LRRFIP1: variants seen among roughly 807,000 people sequenced by gnomAD.
The protein encoded by LRRFIP1 is LRR binding FLII interacting protein 1.
LRRFIP1 carries 62 observed loss-of-function variants against 104.4 expected under a neutral mutation model. The observed-to-expected ratio is 0.59, with a 90% CI of 0.48 to 0.73. LRRFIP1 has a LOEUF of 0.73. Ranked by LOEUF, LRRFIP1 falls within the 30% of genes least tolerant of loss-of-function variation. The probability of loss-of-function intolerance (pLI) is 0.00; values close to 1 mark genes in which losing one functional copy is unlikely to be tolerated. For synonymous variants in LRRFIP1, 300 were observed against 299.0 expected, an observed-to-expected ratio of 1.00 and a Z score of -0.03; for missense variants, 796 against 824.5, an observed-to-expected ratio of 0.97 and a Z score of 0.42.
chr2:237,693,962 G>C (rs1171616547), intron 1 of LRRFIP1, among the ~76,000 whole-genome samples: 3 of 152,200 alleles, frequency 2.0e-5, no homozygotes, highest in Non-Finnish European at 4.4e-5. Context: ...AGTCTGGACT[G>C]TGTCCAACTG....
Position 237,727,703 on chromosome 2 carries a change from G to A in LRRFIP1, c.385-173G>A, listed in dbSNP as rs530661866. Among the ~76,000 whole-genome samples the A allele has an allele frequency of 8.5e-5, 13 of 152,330 alleles. No individual in the cohort carries two copies. In the South Asian group the frequency reaches 2.5e-3, roughly 29 times the overall value. On this transcript the variant is annotated intron_variant, in intron 7 of 23. Transcript: ENST00000308482. ...CCTCCTGAGCTGCGGGGGAGCAGACGGCGGCAGGGATGCAGTTTGGGAGCT... is the reference window on the plus strand; with the variant it reads ...CCTCCTGAGCTGCGGGGGAGCAGACAGCGGCAGGGATGCAGTTTGGGAGCT...
intron 1 of LRRFIP1, among the ~76,000 whole-genome samples, chr2:237,688,643 G>A (rs1270376388): frequency 2.0e-5 from 3 of 151,880 alleles, no homozygotes; most frequent in Non-Finnish European, 4.4e-5. Flanking sequence ...ATTTTTAGTA[G>A]AGATGGGGTT....
At chr2:237,667,515 A>G (rs928392602) in intron 1 of LRRFIP1, among the ~76,000 whole-genome samples, 1 of 152,232 alleles carries the variant, frequency 6.6e-6, no homozygotes, top group Non-Finnish European at 1.5e-5. Flanking sequence ...TGCAGTAAAC[A>G]TACGTGTGCA....
At position 237,772,949 on chromosome 2, in the gene LRRFIP1, C is replaced by T. The variant is rs772363116; in HGVS notation, c.1707+4C>T. On this transcript the variant is annotated splice_donor_region_variant and intron_variant, in intron 22 of 23. Transcript: ENST00000308482. ...GATAACTGCATTAGAACAAAATGTA[C>T]GTGTAAGCAACAACGGGCAGAACTG... 26 of 1,608,204 alleles carry T rather than the reference C, an allele frequency of 1.6e-5. No homozygotes were observed. The Middle Eastern group carries it at 6.6e-4, about 41-fold the overall frequency.
intron 1 of LRRFIP1, among the ~76,000 whole-genome samples, chr2:237,665,557 A>T (rs1230197194): frequency 6.6e-5 from 10 of 152,238 alleles, no homozygotes; most frequent in Admixed American, 5.2e-4. Context: ...TGAGTAACTT[A>T]TTTCATGCTA....
chr2:237,627,769 G>A (rs745819930), intron 1 of LRRFIP1, 29 bp downstream of exon 1: 123 of 1,204,540 alleles, frequency 1.0e-4, no homozygotes, highest in East Asian at 3.3e-4. Flanking sequence ...CAGCCGGGGG[G>A]CGCCGGGCGG....
chr2:237,699,648 G>A (rs1188880719), intron 1 of LRRFIP1, among the ~76,000 whole-genome samples: 3 of 152,186 alleles, frequency 2.0e-5, no homozygotes, highest in East Asian at 3.8e-4. Flanking sequence ...CACCGCACCC[G>A]GCCAAAACAG....
In LRRFIP1 at chr2:237,772,480, C is replaced by T. The variant is rs924895061; in HGVS notation, c.1627+282C>T. 1.3e-4 allele frequency: 58 copies of T among 434,370 alleles called. No homozygotes were observed. In the Middle Eastern group the frequency reaches 2.5e-3, roughly 19 times the overall value. 26.9% of individuals were successfully genotyped at this position (434,370 alleles called of 1,614,324 possible). A position where few individuals can be genotyped will look rare whatever the true frequency, so the allele number is the denominator to read the frequency against. ...TACTTTGCTGGATACAGCAATCTTT[C>T]GATCTGTTGATTGTATGAAAAAAAA... On this transcript the variant is annotated intron_variant, in intron 21 of 23. Coordinates refer to ENST00000308482, the MANE Select transcript of LRRFIP1 (RefSeq NM_001137550.2).
intron 1 of LRRFIP1, chr2:237,692,491 C>T: frequency 6.5e-7 from 1 of 1,533,226 alleles, no homozygotes; most frequent in Non-Finnish European, 8.8e-7. Flanking sequence ...GCCGGGAGAT[C>T]GACTGTTTGA....
At chr2:237,708,651 T>C (rs749725950) in intron 2 of LRRFIP1, 21 bp downstream of exon 2, 3 of 1,582,544 alleles carry the variant, frequency 1.9e-6, no homozygotes, top group Non-Finnish European at 1.7e-6. Context: ...GGGCTCCTTG[T>C]TGGGTCTTTT....
intron 19 of LRRFIP1, chr2:237,763,231 A>T: frequency 2.5e-6 from 4 of 1,614,190 alleles, no homozygotes; most frequent in Non-Finnish European, 1.7e-6. Context: ...GTGAAGAAAC[A>T]GGATTAAGGG....
chr2:237,746,894 G>A (rs1421967242), intron 11 of LRRFIP1, among the ~76,000 whole-genome samples: 2 of 152,216 alleles, frequency 1.3e-5, no homozygotes, highest in African/African-American at 4.8e-5. Context: ...CTGCCCAAAG[G>A]GCTTATTTAG....
intron 1 of LRRFIP1, among the ~76,000 whole-genome samples, chr2:237,648,668 T>C (rs990409807): frequency 1.3e-5 from 2 of 151,800 alleles, no homozygotes; most frequent in African/African-American, 4.8e-5. Flanking sequence ...CTCTTGCCTG[T>C]GATGAGTAAC....
chr2:237,634,307 G>A (rs980692896), intron 1 of LRRFIP1, among the ~76,000 whole-genome samples: 2 of 152,218 alleles, frequency 1.3e-5, no homozygotes, highest in Non-Finnish European at 2.9e-5. Flanking sequence ...GGGACTTGGT[G>A]TGCATGGGCC....
intron 1 of LRRFIP1, among the ~76,000 whole-genome samples, chr2:237,674,098 G>A (rs191793818): frequency 1.3e-5 from 2 of 152,342 alleles, no homozygotes; most frequent in East Asian, 3.9e-4. Context: ...AAGGGACTCA[G>A]GGGGCAGCAG....
In LRRFIP1 at chr2:237,666,920, C is replaced by CTTTCTTTCTTTCTTTCTTTCTTTCTT. The variant is rs1404809106; in HGVS notation, c.96+39203_96+39228dup. 6.2e-3 allele frequency among the ~76,000 whole-genome samples: 29 copies of CTTTCTTTCTTTCTTTCTTTCTTTCTT among 4,660 alleles called. No homozygotes were observed. In the South Asian group the frequency reaches 0.12, roughly 19 times the overall value. 3.1% of individuals were successfully genotyped at this position (4,660 alleles called of 152,430 possible). ...TTTTCCCTCCCTGCCTTCCTGCTTTCTTTCTTTCTTTCTTTCTTTCTTTCT... is the reference window on the plus strand; with the variant it reads ...TTTTCCCTCCCTGCCTTCCTGCTTTCTTTCTTTCTTTCTTTCTTTCTTTCTTTTTCTTTCTTTCTTTCTTTCTTTCT... On this transcript the variant is annotated intron_variant, in intron 1 of 23. Coordinates refer to ENST00000308482, the MANE Select transcript of LRRFIP1 (RefSeq NM_001137550.2).
chr2:237,759,654 A>G (rs1460464670), intron 18 of LRRFIP1, among the ~76,000 whole-genome samples: 1 of 152,192 alleles, frequency 6.6e-6, no homozygotes, highest in Non-Finnish European at 1.5e-5. Context: ...TGTCTCTTTC[A>G]GAACATGTAT....
At chr2:237,751,401 C>A (rs1240785801) in intron 14 of LRRFIP1, 130 bp downstream of exon 14, 1 of 702,966 alleles carries the variant, frequency 1.4e-6, no homozygotes. Context: ...GAAGAACTCA[C>A]AATGGCAGGA....
chr2:237,666,472 T>C (rs1272115653), intron 1 of LRRFIP1, among the ~76,000 whole-genome samples: 1 of 152,266 alleles, frequency 6.6e-6, no homozygotes, highest in South Asian at 2.1e-4. Context: ...AGGGTTGGAA[T>C]CCACTCTTCA....
Sources: allele counts gnomAD v4.1 joint callset (sites outside exome capture counted in the v4.1 genomes callset), GRCh38; gene constraint gnomAD v4.1.1; transcripts MANE v1.5; gene names NCBI Gene and HGNC (gene_info 2026-07-23, HGNC 2026-07-21).